Variants in PI4K2B observed in about 807,000 individuals in gnomAD.
PI4K2B encodes the protein phosphatidylinositol 4-kinase type 2 beta, also known as phosphatidylinositol 4-kinase type 2-beta.
In PI4K2B, 46 loss-of-function variants were observed where a neutral mutation model predicts 56.6. The observed-to-expected ratio is 0.81, with a 90% confidence interval of 0.64 to 1.04. The LOEUF is 1.04. Among genes scored for constraint, PI4K2B ranks in the 50% least tolerant of loss-of-function variants. The probability of loss-of-function intolerance (pLI) is 0.00; values close to 1 mark genes in which losing one functional copy is unlikely to be tolerated. For missense variants in PI4K2B, 556 were observed against 607.7 expected (o/e 0.91, Z 0.89); for synonymous variants, 211 against 223.8 (o/e 0.94, Z 0.51).
At chr4:25,254,377 T>C in intron 2 of PI4K2B, 1 of 891,592 alleles carries the variant, frequency 1.1e-6, no homozygotes, top group Non-Finnish European at 1.3e-6. Context: ...TGACCTAGAA[T>C]GGTGGTTTTG....
In PI4K2B at chr4:25,252,409, T is replaced by G; in HGVS notation, c.357T>G (p.Val119=). The change falls in exon 2 of 10, where the codon GTT becomes GTG. Residue 119 remains valine, a synonymous_variant. Transcript: ENST00000264864. The stretch of plus-strand genomic sequence containing the variant: ...TGAGAGCAGAGCAAGCAATAGAAGT[T>G]GGAATTTTTCCAGAAAGAATCTCTC... ...IMLRAEQAIE[V]GIFPERISQG... 2 of 1,611,474 alleles carry G rather than the reference T, an allele frequency of 1.2e-6. No individual in the cohort carries two copies. Among genetic ancestry groups the G allele is most frequent in the African/African-American group, 1.3e-5 (1 of 74,998 alleles).
intron 1 of PI4K2B, among the ~76,000 whole-genome samples, chr4:25,238,841 A>G (rs542111995): frequency 2.8e-3 from 431 of 151,614 alleles, no homozygotes; most frequent in African/African-American, 3.6e-3. Context: ...GGACCTGAGC[A>G]GGTTGCCACT....
At chr4:25,268,606 GA>G in intron 8 of PI4K2B, 30 bp downstream of exon 8, 2 of 1,455,350 alleles carry the variant, frequency 1.4e-6, no homozygotes, top group South Asian at 1.3e-5. Flanking sequence ...GATTATTGCA[GA>G]AAATGAAATC....
chr4:25,248,818 AT>A (rs748312328), intron 1 of PI4K2B, among the ~76,000 whole-genome samples: 1 of 151,760 alleles, frequency 6.6e-6, no homozygotes, highest in African/African-American at 2.4e-5. Flanking sequence ...TATTTTTTTA[AT>A]TTTTTTAGTA....
chr4:25,263,684 A>G (rs968821106), intron 6 of PI4K2B, 66 bp from the exon 7 acceptor site: 1 of 612,042 alleles, frequency 1.6e-6, no homozygotes, highest in Non-Finnish European at 2.9e-6. Flanking sequence ...ATTATTATAA[A>G]TAATTTATCC....
At chr4:25,269,229 A>T in intron 9 of PI4K2B, 26 bp downstream of exon 9, 1 of 1,295,618 alleles carries the variant, frequency 7.7e-7, no homozygotes, top group Non-Finnish European at 1.1e-6. Flanking sequence ...ATTTGTTCAT[A>T]AGGAAAAAAA....
chr4:25,236,716 C>T (rs1267528396), intron 1 of PI4K2B, among the ~76,000 whole-genome samples: 2 of 152,122 alleles, frequency 1.3e-5, no homozygotes, highest in Non-Finnish European at 2.9e-5. Context: ...AGTAATAAAT[C>T]AGGAGGAAGC....
intron 1 of PI4K2B, among the ~76,000 whole-genome samples, chr4:25,238,530 G>A (rs776781090): frequency 4.6e-5 from 7 of 152,236 alleles, no homozygotes; most frequent in East Asian, 1.9e-4. Context: ...CGGTGTGTTC[G>A]GAGTTTGTTC....
rs1485534449 is a variant in PI4K2B at position 25,239,404 on chromosome 4, G to T, written c.268+4973G>T. Reference sequence around the variant, plus strand: ...CCTGCCCTACGGGGAGGCAGCTAAGGCCCAGTGAGAAAGCGAGCACGGTGC... The same window carrying T: ...CCTGCCCTACGGGGAGGCAGCTAAGTCCCAGTGAGAAAGCGAGCACGGTGC... On this transcript the variant is annotated intron_variant, in intron 1 of 9. Coordinates refer to ENST00000264864, the MANE Select transcript of PI4K2B (RefSeq NM_018323.4). Among the ~76,000 whole-genome samples the T allele has an allele frequency of 5.3e-5, 8 of 152,304 alleles. No homozygotes were observed. In the East Asian group the frequency reaches 1.5e-3, roughly 30 times the overall value.
In PI4K2B at chr4:25,234,367, CG is replaced by C; in HGVS notation, c.208del (p.Asp70ThrfsTer21). On this transcript the variant is annotated frameshift_variant, in exon 1 of 10. Coordinates refer to ENST00000264864, the MANE Select transcript of PI4K2B (RefSeq NM_018323.4). LOFTEE classifies it high-confidence loss of function. ...AGDEELPLPP[G>X]DVGVSRSSSA... ...GCGACGAGGAGCTGCCCCTCCCGCC[CG>C]GGGACGTGGGGGTCTCCCGGAGTTC... 1.4e-6 allele frequency: 2 copies of C among 1,406,082 alleles called. No homozygotes were observed. Among genetic ancestry groups the C allele is most frequent in the Non-Finnish European group, 1.9e-6 (2 of 1,078,854 alleles). The allele number at this position is 1,406,082 out of a possible 1,614,324, so 87.1% of individuals were successfully genotyped here.
At chr4:25,264,833 T>C (rs554940868) in intron 7 of PI4K2B, among the ~76,000 whole-genome samples, 2 of 152,216 alleles carry the variant, frequency 1.3e-5, no homozygotes, top group South Asian at 4.1e-4. Flanking sequence ...ATGGCACCAC[T>C]GTACTCCAGC....
At chr4:25,261,829 G>T (rs114293678) in intron 6 of PI4K2B, among the ~76,000 whole-genome samples, 2 of 152,202 alleles carry the variant, frequency 1.3e-5, no homozygotes, top group Non-Finnish European at 2.9e-5. Context: ...AAACTTTGGC[G>T]TGGAAGTTTC....
rs552871837 is a variant in PI4K2B, at chr4:25,241,365, G to A, written c.268+6934G>A. On this transcript the variant is annotated intron_variant, in intron 1 of 9. Coordinates refer to ENST00000264864, the MANE Select transcript of PI4K2B (RefSeq NM_018323.4). ...CATTCTCCACAAATGAACTTCCATC[G>A]GTATATAGGTTAAGGTCAGGATTAG... Among the ~76,000 whole-genome samples, 19 of 152,284 alleles carry A rather than the reference G, an allele frequency of 1.2e-4. No individual in the cohort carries two copies. In the East Asian group the frequency reaches 1.5e-3, roughly 12 times the overall value.
At chr4:25,249,020 G>A (rs957699705) in intron 1 of PI4K2B, among the ~76,000 whole-genome samples, 4 of 152,074 alleles carry the variant, frequency 2.6e-5, no homozygotes, top group African/African-American at 9.7e-5. Context: ...GACTCTTAAC[G>A]AGTATGCTGC....
At chr4:25,243,006 A>G (rs1715593652) in intron 1 of PI4K2B, among the ~76,000 whole-genome samples, 1 of 152,210 alleles carries the variant, frequency 6.6e-6, no homozygotes, top group African/African-American at 2.4e-5. Flanking sequence ...CCCAATTACA[A>G]CTGAGGAGGT....
chr4:25,277,797 G>A lies in PI4K2B; in HGVS notation c.*610G>A, dbSNP rs998423309. On this transcript the variant is annotated 3_prime_UTR_variant, in exon 10 of 10. Transcript: ENST00000264864. ...AATATTTTTGGTGAATTACTTTGTT[G>A]TAGTGAGGAAAAAACCTAAGAAATT... 3 of 152,090 alleles carry A rather than the reference G, an allele frequency of 2.0e-5. No individual in the cohort carries two copies. Among genetic ancestry groups the A allele is most frequent in the Admixed American group, 6.6e-5 (1 of 15,262 alleles). The allele number at this position is 152,090 out of a possible 1,614,324, so 9.4% of individuals were successfully genotyped here.
At chr4:25,246,716 G>A (rs961746914) in intron 1 of PI4K2B, among the ~76,000 whole-genome samples, 11 of 152,216 alleles carry the variant, frequency 7.2e-5, no homozygotes, top group African/African-American at 1.4e-4. Context: ...AGGAGCCCAC[G>A]GCGGCGGGGG....
At position 25,234,253 on chromosome 4, in the gene PI4K2B, A is replaced by C. The variant is rs61748740; in HGVS notation, c.90A>C (p.Leu30=). The change falls in exon 1 of 10, where the codon CTA becomes CTC. Residue 30 remains leucine, a synonymous_variant. Coordinates refer to ENST00000264864, the MANE Select transcript of PI4K2B (RefSeq NM_018323.4). ...AGGATGGGGAGCGGGAGCCGCTGCTACCGCGGATCGCCTGGGCCCACCCGC... is the reference window on the plus strand; with the variant it reads ...AGGATGGGGAGCGGGAGCCGCTGCTCCCGCGGATCGCCTGGGCCCACCCGC... ...EEEDGEREPL[L]PRIAWAHPRR... is the part of the protein sequence containing the mutation. 42,887 of 1,425,352 alleles carry C rather than the reference A, an allele frequency of 0.03. 932 individuals carry two copies. The highest frequency in any genetic ancestry group is 0.12 in the East Asian group (3,876 of 32,844). The allele number at this position is 1,425,352 out of a possible 1,614,324, so 88.3% of individuals were successfully genotyped here. A position where few individuals can be genotyped will look rare whatever the true frequency, so the allele number is the denominator to read the frequency against.
intron 1 of PI4K2B, among the ~76,000 whole-genome samples, chr4:25,237,148 C>G (rs771267854): frequency 2.0e-4 from 30 of 152,222 alleles, no homozygotes; most frequent in Admixed American, 1.2e-3. Context: ...CTACAAACAG[C>G]ATAAACCATA....
Sources: allele counts gnomAD v4.1 joint callset (sites outside exome capture counted in the v4.1 genomes callset), GRCh38; gene constraint gnomAD v4.1.1; transcripts MANE v1.5; gene names NCBI Gene and HGNC (gene_info 2026-07-23, HGNC 2026-07-21).